Variants in JARID2 observed in about 807,000 individuals in gnomAD.
JARID2 encodes jumonji and AT-rich interaction domain containing 2.
A neutral mutation model predicts 125.6 loss-of-function variants in JARID2; 21 were observed. The ratio of observed to expected loss-of-function variants is 0.17; its 90% CI spans 0.12 to 0.24. The LOEUF is 0.24. JARID2 is among the 10% of genes least tolerant of loss of function. The probability of loss-of-function intolerance (pLI) is 1.00; values close to 1 mark genes in which losing one functional copy is unlikely to be tolerated. For synonymous variants in JARID2, 736 were observed against 661.6 expected (o/e 1.11, Z -1.73); for missense variants, 1,303 against 1,639.6 (o/e 0.79, Z 3.55).
chr6:15,452,614 C>A (rs369525730), intron 4 of JARID2, among the ~76,000 whole-genome samples: 1 of 152,110 alleles, frequency 6.6e-6, no homozygotes, highest in African/African-American at 2.4e-5. Context: ...GAGGGACTTA[C>A]GGTTCTCTCA....
Position 15,473,516 on chromosome 6 carries a change from C to CG in JARID2, c.670+4798_670+4799insG, listed in dbSNP as rs1769184881. Among the ~76,000 whole-genome samples the CG allele has an allele frequency of 3.8e-4, 5 of 13,146 alleles. 1 individual carries two copies. Among genetic ancestry groups the CG allele is most frequent in the African/African-American group, 1.2e-3 (5 of 4,012 alleles). The allele number at this position is 13,146 out of a possible 152,430, so 8.6% of individuals were successfully genotyped here. A position where few individuals can be genotyped will look rare whatever the true frequency, so the allele number is the denominator to read the frequency against. On this transcript the variant is annotated intron_variant, in intron 5 of 17. Coordinates refer to ENST00000341776, the MANE Select transcript of JARID2 (RefSeq NM_004973.4). ...CTCCCTTGTCTTCTGATGTGCGTGCCCCCCCCCCCCCCCCGCTTTGTGTCC... is the reference window on the plus strand; with the variant it reads ...CTCCCTTGTCTTCTGATGTGCGTGCCGCCCCCCCCCCCCCCGCTTTGTGTCC...
chr6:15,256,078 AT>A (rs1759652077), intron 1 of JARID2, among the ~76,000 whole-genome samples: 1 of 152,264 alleles, frequency 6.6e-6, no homozygotes, highest in African/African-American at 2.4e-5. Context: ...AGGCAGGGGA[AT>A]TTTTGATGTG....
intron 6 of JARID2, among the ~76,000 whole-genome samples, chr6:15,491,320 C>T (rs1340570242): frequency 6.6e-6 from 1 of 152,200 alleles, no homozygotes; most frequent in African/African-American, 2.4e-5. Flanking sequence ...TTTTAGAGCA[C>T]ATTTGCCTTG....
intron 5 of JARID2, among the ~76,000 whole-genome samples, chr6:15,480,718 C>G (rs1450594385): frequency 1.3e-5 from 2 of 152,210 alleles, no homozygotes; most frequent in African/African-American, 4.8e-5. Context: ...ATTCAAAATA[C>G]TTCAGCAAGT....
At chr6:15,259,502 C>G (rs1484539897) in intron 1 of JARID2, among the ~76,000 whole-genome samples, 2 of 152,166 alleles carry the variant, frequency 1.3e-5, no homozygotes, top group African/African-American at 4.8e-5. Context: ...ACCCTATACA[C>G]AATGCCACAT....
intron 3 of JARID2, among the ~76,000 whole-genome samples, chr6:15,433,375 T>G (rs528666211): frequency 1.3e-5 from 2 of 151,838 alleles, no homozygotes; most frequent in African/African-American, 4.8e-5. Context: ...GTCTAGTTGT[T>G]GGCTGCATGC....
intron 1 of JARID2, among the ~76,000 whole-genome samples, chr6:15,265,125 C>T (rs1581342748): frequency 6.6e-6 from 1 of 152,140 alleles, no homozygotes; most frequent in East Asian, 1.9e-4. Context: ...TTATTGTTTA[C>T]AGAATTAGTG....
At chr6:15,330,718 C>T (rs1276879717) in intron 1 of JARID2, among the ~76,000 whole-genome samples, 1 of 152,138 alleles carries the variant, frequency 6.6e-6, no homozygotes, top group South Asian at 2.1e-4. Context: ...AACTTCTCTG[C>T]GTGGTCATTA....
At chr6:15,331,832 G>A (rs928216645) in intron 1 of JARID2, among the ~76,000 whole-genome samples, 1 of 152,104 alleles carries the variant, frequency 6.6e-6, no homozygotes, top group African/African-American at 2.4e-5. Context: ...TAAAAAGTAC[G>A]GTGGGACCCC....
intron 1 of JARID2, among the ~76,000 whole-genome samples, chr6:15,363,756 C>G (rs1210498169): frequency 6.6e-6 from 1 of 152,060 alleles, no homozygotes; most frequent in Non-Finnish European, 1.5e-5. Context: ...GGTGGACACA[C>G]GTTATTAGTG....
At chr6:15,278,403 G>A (rs1164938941) in intron 1 of JARID2, among the ~76,000 whole-genome samples, 2 of 151,752 alleles carry the variant, frequency 1.3e-5, no homozygotes, top group Non-Finnish European at 2.9e-5. Context: ...TGGCTAACAC[G>A]GTGAAACCCC....
At chr6:15,322,401 G>A (rs1370855905) in intron 1 of JARID2, among the ~76,000 whole-genome samples, 3 of 152,202 alleles carry the variant, frequency 2.0e-5, no homozygotes, top group African/African-American at 7.2e-5. Context: ...TGATTTGCAA[G>A]TTCCTGTGAA....
chr6:15,266,668 G>A (rs1760094806), intron 1 of JARID2, among the ~76,000 whole-genome samples: 1 of 152,144 alleles, frequency 6.6e-6, no homozygotes, highest in African/African-American at 2.4e-5. Context: ...TTTTCTTTTG[G>A]TAGCTTGAAA....
chr6:15,363,435 G>A (rs190631931), intron 1 of JARID2, among the ~76,000 whole-genome samples: 3 of 152,298 alleles, frequency 2.0e-5, no homozygotes, highest in East Asian at 3.9e-4. Context: ...TTACACATGA[G>A]CCACTGTAAG....
intron 3 of JARID2, among the ~76,000 whole-genome samples, chr6:15,416,987 G>T (rs1003322669): frequency 2.6e-5 from 4 of 152,134 alleles, no homozygotes; most frequent in African/African-American, 7.2e-5. Flanking sequence ...TGGAGGTGAG[G>T]ATTATTTGTT....
At chr6:15,369,826 T>C (rs1764100770) in intron 1 of JARID2, among the ~76,000 whole-genome samples, 1 of 152,240 alleles carries the variant, frequency 6.6e-6, no homozygotes, top group Non-Finnish European at 1.5e-5. Context: ...AGTTGTTACA[T>C]GTGTAAGACC....
chr6:15,454,881 G>A (rs1768086265), intron 4 of JARID2, among the ~76,000 whole-genome samples: 1 of 152,194 alleles, frequency 6.6e-6, no homozygotes, highest in Non-Finnish European at 1.5e-5. Flanking sequence ...AGAATCTTGT[G>A]CTGGATTGGC....
intron 3 of JARID2, among the ~76,000 whole-genome samples, chr6:15,446,144 G>T (rs1424287584): frequency 6.6e-6 from 1 of 152,180 alleles, no homozygotes; most frequent in African/African-American, 2.4e-5. Context: ...CCTAAATCAT[G>T]AGTGATGGGT....
chr6:15,512,720 G>C (rs536460719), intron 14 of JARID2, among the ~76,000 whole-genome samples, 195 bp from the exon 15 acceptor site: 1 of 152,224 alleles, frequency 6.6e-6, no homozygotes, highest in African/African-American at 2.4e-5. Context: ...CCTCTGGGTA[G>C]CGGCGAAGTG....
Sources: allele counts gnomAD v4.1 joint callset (sites outside exome capture counted in the v4.1 genomes callset), GRCh38; gene constraint gnomAD v4.1.1; transcripts MANE v1.5; gene names NCBI Gene and HGNC (gene_info 2026-07-23, HGNC 2026-07-21).